The following DAB1 variants were observed in gnomAD, a reference collection of about 807,000 sequenced individuals.
DAB1 encodes the protein disabled homolog 1.
In DAB1, 15 loss-of-function variants were observed where a neutral mutation model predicts 64.6. The observed-to-expected ratio is 0.23, with a 90% CI of 0.16 to 0.36. DAB1 has a LOEUF of 0.36. Among genes scored for constraint, DAB1 ranks in the 10% least tolerant of loss-of-function variants. The pLI, the probability that DAB1 is intolerant of heterozygous loss-of-function variation, is 1.00. For missense variants in DAB1, 596 were observed against 706.7 expected, an observed-to-expected ratio of 0.84 and a Z score of 1.78; for synonymous variants, 235 against 251.9, an observed-to-expected ratio of 0.93 and a Z score of 0.64.
chr1:58,377,755 G>C (rs1392069563), intron 3 of DAB1, among the ~76,000 whole-genome samples: 2 of 138,000 alleles, frequency 1.4e-5, no homozygotes. Context: ...AGTTCTCCTG[G>C]ATAATATCCT....
At chr1:57,067,899 C>T (rs1215003543) in intron 8 of DAB1, among the ~76,000 whole-genome samples, 1 of 152,146 alleles carries the variant, frequency 6.6e-6, no homozygotes, top group African/African-American at 2.4e-5. Context: ...CAATTGTTCG[C>T]TTATTTTATC....
intron 4 of DAB1, among the ~76,000 whole-genome samples, chr1:58,194,807 C>T (rs1231560898): frequency 6.6e-6 from 1 of 152,128 alleles, no homozygotes; most frequent in Non-Finnish European, 1.5e-5. Context: ...GACAGAGCCC[C>T]AAGAATCTAA....
chr1:58,111,248 C>A (rs879230148), intron 5 of DAB1, among the ~76,000 whole-genome samples: 1 of 152,224 alleles, frequency 6.6e-6, no homozygotes, highest in African/African-American at 2.4e-5. Flanking sequence ...CAAGTTACTT[C>A]TCCTCTCTGG....
At chr1:57,770,525 A>G (rs1319425591) in intron 6 of DAB1, among the ~76,000 whole-genome samples, 2 of 152,112 alleles carry the variant, frequency 1.3e-5, no homozygotes, top group Non-Finnish European at 2.9e-5. Flanking sequence ...AAGCATTGGG[A>G]TTGCAGGCAT....
chr1:58,173,672 C>G (rs1656300852), intron 4 of DAB1, among the ~76,000 whole-genome samples: 1 of 152,160 alleles, frequency 6.6e-6, no homozygotes, highest in African/African-American at 2.4e-5. Context: ...AAAGTGAAAA[C>G]AACAAACTCA....
intron 7 of DAB1, among the ~76,000 whole-genome samples, chr1:57,444,999 A>C (rs1349235501): frequency 6.6e-6 from 1 of 152,208 alleles, no homozygotes; most frequent in Non-Finnish European, 1.5e-5. Flanking sequence ...AGTTGTATAC[A>C]TTCATCATTA....
intron 5 of DAB1, among the ~76,000 whole-genome samples, chr1:57,950,557 A>G (rs1185793618): frequency 1.3e-5 from 2 of 152,276 alleles, no homozygotes; most frequent in East Asian, 1.9e-4. Flanking sequence ...TCTATCACCC[A>G]TCAAATAGAG....
At chr1:57,104,064 T>C (rs1479777859) in intron 4 of DAB1, among the ~76,000 whole-genome samples, 1 of 151,958 alleles carries the variant, frequency 6.6e-6, no homozygotes, top group African/African-American at 2.4e-5. Flanking sequence ...ATGACAGTGG[T>C]AGGTTATGGG....
At chr1:57,414,387 C>T (rs777600123) in intron 1 of DAB1, among the ~76,000 whole-genome samples, 14 of 152,218 alleles carry the variant, frequency 9.2e-5, no homozygotes, top group Non-Finnish European at 1.8e-4. Context: ...TTGCTGAAGG[C>T]TCAGCTGATC....
intron 1 of DAB1, among the ~76,000 whole-genome samples, chr1:57,352,942 C>A (rs189430837): frequency 6.6e-6 from 1 of 151,988 alleles, no homozygotes; most frequent in Non-Finnish European, 1.5e-5. Context: ...GAGAACAGTC[C>A]AAGAGACCGC....
At chr1:57,339,216 C>T (rs1288021404) in intron 1 of DAB1, among the ~76,000 whole-genome samples, 2 of 150,360 alleles carry the variant, frequency 1.3e-5, no homozygotes, top group African/African-American at 4.9e-5. Flanking sequence ...AGGGCAGTGG[C>T]GCGATCTCTG....
At chr1:57,052,822 T>G (rs1338389881) in intron 9 of DAB1, among the ~76,000 whole-genome samples, 2 of 152,264 alleles carry the variant, frequency 1.3e-5, no homozygotes, top group African/African-American at 4.8e-5. Context: ...GAGAGCTCAC[T>G]ACTCGATAAG....
intron 4 of DAB1, among the ~76,000 whole-genome samples, chr1:58,245,420 C>T (rs575700494): frequency 6.6e-6 from 1 of 152,080 alleles, no homozygotes; most frequent in Non-Finnish European, 1.5e-5. Context: ...TTTTCATCTG[C>T]AAAAGGACAA....
chr1:57,924,214 G>A (rs1557559011), intron 5 of DAB1, among the ~76,000 whole-genome samples: 1 of 152,176 alleles, frequency 6.6e-6, no homozygotes, highest in Non-Finnish European at 1.5e-5. Context: ...ACATCCAGAT[G>A]AGCCATGCAC....
chr1:57,978,665 C>T (rs576260010), intron 5 of DAB1, among the ~76,000 whole-genome samples: 5 of 152,066 alleles, frequency 3.3e-5, no homozygotes, highest in Admixed American at 2.6e-4. Context: ...GCAATCTATC[C>T]ATCTGACAAA....
At chr1:57,586,367 T>C (rs1021227864) in intron 7 of DAB1, among the ~76,000 whole-genome samples, 1 of 152,212 alleles carries the variant, frequency 6.6e-6, no homozygotes, top group Non-Finnish European at 1.5e-5. Context: ...CTCTGCAATG[T>C]CTTTGTTTAT....
At chr1:57,197,697 T>C (rs1456971191) in intron 2 of DAB1, among the ~76,000 whole-genome samples, 2 of 152,250 alleles carry the variant, frequency 1.3e-5, no homozygotes, top group African/African-American at 4.8e-5. Flanking sequence ...CCTTTGAATA[T>C]GTTCTTCTTC....
intron 4 of DAB1, among the ~76,000 whole-genome samples, chr1:58,321,112 T>G (rs1000909217): frequency 6.6e-6 from 1 of 152,208 alleles, no homozygotes; most frequent in Non-Finnish European, 1.5e-5. Flanking sequence ...CTGAGTCACC[T>G]CATCATCCCC....
At chr1:57,092,379 T>A (rs1204424601) in intron 4 of DAB1, among the ~76,000 whole-genome samples, 1 of 152,000 alleles carries the variant, frequency 6.6e-6, no homozygotes, top group Non-Finnish European at 1.5e-5. Context: ...GGGAGGGACC[T>A]GGTAGGAAGT....
Sources: gnomAD v4.1 joint callset for allele counts (sites outside exome capture counted in the v4.1 genomes callset) on GRCh38, gnomAD v4.1.1 for gene constraint, MANE v1.5 for transcripts, NCBI Gene and HGNC (gene_info 2026-07-23, HGNC 2026-07-21) for gene names.